KIF20A: variants seen among roughly 807,000 people sequenced by gnomAD.
KIF20A encodes kinesin-like protein KIF20A.
A neutral mutation model predicts 113.0 loss-of-function variants in KIF20A; 66 were observed. The ratio of observed to expected loss-of-function variants is 0.58; its 90% CI spans 0.48 to 0.72. The LOEUF is 0.72. Among genes scored for constraint, KIF20A ranks in the 30% least tolerant of loss-of-function variants. The probability of loss-of-function intolerance (pLI) is 0.00; values close to 1 mark genes in which losing one functional copy is unlikely to be tolerated. For missense variants in KIF20A, 927 were observed against 1,077.6 expected (o/e 0.86, Z 1.96); for synonymous variants, 376 against 402.3 (o/e 0.93, Z 0.78).
Position 138,184,627 on chromosome 5 carries a change from T to G in KIF20A, c.1634T>G (p.Leu545Arg). ...AAAGGGGCTAAGGCAGACACAGGCC[T>G]TGATGATGATATTGAAAATGAAGCT... ...LEKGAKADTGLDDDIENEADI... is the reference protein window; with the variant it reads ...LEKGAKADTGRDDDIENEADI... The change falls in exon 13 of 19, where the codon CTT becomes CGT. Residue 545 changes from leucine (L) to arginine (R), a missense_variant. Transcript: ENST00000394894. 6.2e-7 allele frequency: 1 copy of G among 1,614,148 alleles called. No individual in the cohort carries two copies. Among genetic ancestry groups the G allele is most frequent in the Admixed American group, 1.7e-5 (1 of 60,024 alleles).
rs1754683434 is a variant in KIF20A, at chr5:138,182,875, T to C, written c.717T>C (p.Thr239=). ...NGGLQEEELS[T]SLKRSVYIES... is the part of the protein sequence containing the mutation. ...TGCCCCTCCAGGAGGAGCTGTCCAC[T>C]TCCTTGAAGAGGAGTGTCTACATCG... Residue 239 remains threonine, a synonymous_variant, in exon 7 of 19, where the codon ACT becomes ACC. Transcript: ENST00000394894. The C allele has an allele frequency of 6.2e-7, 1 of 1,614,076 alleles. No individual in the cohort carries two copies. The highest frequency in any genetic ancestry group is 1.3e-5 in the African/African-American group (1 of 74,944).
In KIF20A at chr5:138,179,559, G is replaced by A. The variant is rs1754600309; in HGVS notation, c.-21-101G>A. ...TTGGAGGGGAAAAGAAGTAGGAAGC[G>A]GGACACGGTGTCCTGGGGCAAGGGA... On this transcript the variant is annotated intron_variant, in intron 1 of 18. Coordinates refer to ENST00000394894, the MANE Select transcript of KIF20A (RefSeq NM_005733.3). 25 of 833,032 alleles carry A rather than the reference G, an allele frequency of 3.0e-5. No individual in the cohort carries two copies. The South Asian group carries it at 4.0e-4, about 13-fold the overall frequency. 51.6% of individuals were successfully genotyped at this position (833,032 alleles called of 1,614,324 possible).
Position 138,182,470 on chromosome 5 carries a change from T to C in KIF20A, c.514+9T>C. ...AACCCACACGATTCAAGGTGAGTAG[T>C]AAGCCTTCACGGGATTCCTGATTGG... On this transcript the variant is annotated intron_variant, in intron 5 of 18. Coordinates refer to ENST00000394894, the MANE Select transcript of KIF20A (RefSeq NM_005733.3). 14 of 1,613,756 alleles carry C rather than the reference T, an allele frequency of 8.7e-6. No homozygotes were observed. Among genetic ancestry groups the C allele is most frequent in the Non-Finnish European group, 1.1e-5 (13 of 1,179,806 alleles).
intron 18 of KIF20A, 106 bp from the exon 19 acceptor site, chr5:138,186,990 C>G (rs1433421496): frequency 2.4e-6 from 2 of 825,048 alleles, no homozygotes; most frequent in Admixed American, 3.0e-5. Context: ...TTTGAAGAAA[C>G]AGTTGTTAGT....
intron 15 of KIF20A, 90 bp downstream of exon 15, chr5:138,185,287 A>C: frequency 1.1e-6 from 1 of 915,676 alleles, no homozygotes; most frequent in Non-Finnish European, 1.7e-6. Context: ...CTACTCCAGT[A>C]AGGGCAGGAA....
intron 16 of KIF20A, 81 bp from the exon 17 acceptor site, chr5:138,185,880 C>A: frequency 7.4e-7 from 1 of 1,349,946 alleles, no homozygotes; most frequent in Non-Finnish European, 1.0e-6. Context: ...TTGCTGCAAG[C>A]TACTGTTACC....
Position 138,183,580 on chromosome 5 carries a change from A to T in KIF20A, c.1138A>T (p.Ser380Cys), listed in dbSNP as rs1201472364. 1 of 1,613,674 alleles carries T rather than the reference A, an allele frequency of 6.2e-7. No individual in the cohort carries two copies. The highest frequency in any genetic ancestry group is 1.3e-5 in the African/African-American group (1 of 74,922). Residue 380 changes from serine to cysteine, a missense_variant and splice_region_variant, in exon 9 of 19, where the codon AGT becomes TGT. Coordinates refer to ENST00000394894, the MANE Select transcript of KIF20A (RefSeq NM_005733.3). This position sits in a 1 kb window ranked among gnomAD's most constrained non-coding sequence, Gnocchi z 5.2. ...STHLNQNSSR[S>C]HSIFSIRILH... ...CCACCTCAACCAGAACTCCAGCCGCAGGTGAGTAGATTGTAAGAATAAACT... is the reference window on the plus strand; with the variant it reads ...CCACCTCAACCAGAACTCCAGCCGCTGGTGAGTAGATTGTAAGAATAAACT...
At position 138,187,690 on chromosome 5, in the gene KIF20A, A is replaced by T. The variant is rs544819469; in HGVS notation, c.*277A>T. On this transcript the variant is annotated 3_prime_UTR_variant, in exon 19 of 19. Coordinates refer to ENST00000394894, the MANE Select transcript of KIF20A (RefSeq NM_005733.3). The stretch of plus-strand genomic sequence containing the variant: ...TTTATTGAATTCCAAATGTAGCAAA[A>T]TCATTAAAACAAATTATAAAAGGGA... 1.4e-4 allele frequency: 41 copies of T among 295,766 alleles called. No homozygotes were observed. The highest frequency in any genetic ancestry group is 8.5e-4 in the African/African-American group (39 of 45,800). 18.3% of individuals were successfully genotyped at this position (295,766 alleles called of 1,614,324 possible).
At chr5:138,186,518 T>C in intron 18 of KIF20A, 87 bp downstream of exon 18, 2 of 1,419,232 alleles carry the variant, frequency 1.4e-6, no homozygotes, top group South Asian at 2.7e-5. Flanking sequence ...AAGAAAAAGG[T>C]AAAGATTTTT....
chr5:138,180,005 GA>G (rs961690783), intron 2 of KIF20A, among the ~76,000 whole-genome samples, 160 bp downstream of exon 2: 31 of 150,428 alleles, frequency 2.1e-4, no homozygotes, highest in African/African-American at 6.6e-4. Flanking sequence ...AAGAAAAAAA[GA>G]AAAAAAAATT....
chr5:138,183,454 TCTC>T lies in KIF20A; in HGVS notation c.1028-13_1028-11del, dbSNP rs763722929. ...GTTGGATGTTCCCATCTTACACCCC[TCTC>T]CTTTGGCCCCAGATCTCAACTGGAT... On this transcript the variant is annotated splice_polypyrimidine_tract_variant and intron_variant, in intron 8 of 18. Coordinates refer to ENST00000394894, the MANE Select transcript of KIF20A (RefSeq NM_005733.3). This position sits in a 1 kb window ranked among gnomAD's most constrained non-coding sequence, Gnocchi z 5.2. The T allele has an allele frequency of 8.7e-6, 14 of 1,612,532 alleles. No individual in the cohort carries two copies. Among genetic ancestry groups the T allele is most frequent in the Non-Finnish European group, 1.2e-5 (14 of 1,178,684 alleles).
intron 18 of KIF20A, 47 bp downstream of exon 18, chr5:138,186,478 G>C: frequency 6.4e-7 from 1 of 1,561,590 alleles, no homozygotes; most frequent in Non-Finnish European, 8.6e-7. Flanking sequence ...GCCCACTCCA[G>C]TGTATATGTG....
chr5:138,183,202 C>T lies in KIF20A; in HGVS notation c.866C>T (p.Ala289Val). The T allele has an allele frequency of 1.2e-6, 2 of 1,614,160 alleles. No individual in the cohort carries two copies. The highest frequency in any genetic ancestry group is 1.7e-6 in the Non-Finnish European group (2 of 1,180,016). Residue 289 changes from alanine to valine, a missense_variant, in exon 8 of 19, where the codon GCC (alanine) becomes GTC (valine). Physicochemically the swap from Ala to Val is moderately conservative, Grantham distance 64. Coordinates refer to ENST00000394894, the MANE Select transcript of KIF20A (RefSeq NM_005733.3). The surrounding 1 kb of genome is among the most constrained non-coding windows in gnomAD (Gnocchi z 5.2). The stretch of plus-strand genomic sequence containing the variant: ...CATCGATGGGCACAGCCAGACACTG[C>T]CCCACTACCTGTCCCGGCAAACATT... ...TSHRWAQPDT[A>V]PLPVPANIRF...
chr5:138,182,142 T>C (rs1480676859), intron 4 of KIF20A, among the ~76,000 whole-genome samples, 181 bp from the exon 5 acceptor site: 1 of 152,202 alleles, frequency 6.6e-6, no homozygotes, highest in African/African-American at 2.4e-5. Flanking sequence ...GGTGGAAAGA[T>C]GGACTAGCAG....
intron 17 of KIF20A, 23 bp from the exon 18 acceptor site, chr5:138,186,271 G>T: frequency 6.3e-7 from 1 of 1,582,064 alleles, no homozygotes; most frequent in South Asian, 1.2e-5. Context: ...GCCACAATAT[G>T]ATTCCTACTT....
Position 138,185,526 on chromosome 5 carries a change from G to C in KIF20A, c.1941G>C (p.Lys647Asn). Reference sequence around the variant, plus strand: ...TTCCCTCTTAGGAGCGGGATGAAAAGATTGAAGAGCTAGAAGCTCTCTTGC... The same window carrying C: ...TTCCCTCTTAGGAGCGGGATGAAAACATTGAAGAGCTAGAAGCTCTCTTGC... The part of the protein sequence containing the change: ...YQEEIQERDE[K>N]IEELEALLQE... Residue 647 changes from lysine to asparagine, a missense_variant, in exon 16 of 19, where the codon AAG (lysine) becomes AAC (asparagine). Lys to Asn is a moderately conservative substitution (Grantham distance 94, BLOSUM62 0). Transcript: ENST00000394894. 4 of 1,613,484 alleles carry C rather than the reference G, an allele frequency of 2.5e-6. No individual in the cohort carries two copies. Among genetic ancestry groups the C allele is most frequent in the Non-Finnish European group, 2.5e-6 (3 of 1,180,010 alleles).
chr5:138,185,255 T>C, intron 15 of KIF20A, 58 bp downstream of exon 15: 1 of 1,184,744 alleles, frequency 8.4e-7, no homozygotes, highest in Non-Finnish European at 1.2e-6. Context: ...CTAGCTTGCC[T>C]GAAGTAAAGA....
chr5:138,182,535 TA>T, intron 5 of KIF20A, 50 bp from the exon 6 acceptor site: 2 of 1,612,948 alleles, frequency 1.2e-6, no homozygotes, highest in Non-Finnish European at 1.7e-6. Context: ...GACTCTGAGT[TA>T]GGGGGAGAAG....
intron 14 of KIF20A, 53 bp from the exon 15 acceptor site, chr5:138,185,042 G>A: frequency 6.3e-7 from 1 of 1,592,692 alleles, no homozygotes. Context: ...TGTTCCCCAA[G>A]TTCACTCCTC....
Sources: gnomAD v4.1 joint callset for allele counts (sites outside exome capture counted in the v4.1 genomes callset) on GRCh38, gnomAD v4.1.1 for gene constraint, Gnocchi (gnomAD v3.1) non-coding constraint, MANE v1.5 for transcripts, NCBI Gene and HGNC (gene_info 2026-07-23, HGNC 2026-07-21) for gene names.